ULK1: variants seen among roughly 807,000 people sequenced by gnomAD.
ULK1 encodes serine/threonine-protein kinase ULK1.
A neutral mutation model predicts 117.5 loss-of-function variants in ULK1; 48 were observed. The ratio of observed to expected loss-of-function variants is 0.41; its 90% CI spans 0.32 to 0.52. The LOEUF (loss-of-function observed/expected upper bound fraction) is 0.52. Ranked by LOEUF, ULK1 falls within the 20% of genes least tolerant of loss-of-function variation. The probability of loss-of-function intolerance (pLI) is 0.29; values close to 1 mark genes in which losing one functional copy is unlikely to be tolerated. For missense variants in ULK1, 1,387 were observed against 1,473.4 expected (o/e 0.94, Z 0.96); for synonymous variants, 790 against 637.8 (o/e 1.24, Z -3.60).
intron 26 of ULK1, chr12:131,920,796 G>A: frequency 5.1e-6 from 2 of 390,968 alleles, no homozygotes; most frequent in Admixed American, 8.1e-5. Context: ...CCTCCCTCCT[G>A]CCCCCCTTCC....
intron 23 of ULK1, among the ~76,000 whole-genome samples, chr12:131,918,954 C>CAGGGTGTGTGGGGTGA (rs1890016463): frequency 4.3e-5 from 1 of 23,024 alleles, no homozygotes; most frequent in Non-Finnish European, 9.5e-5. Context: ...GTGTGGGGTG[C>CAGGGTGTGTGGGGTGA]AGGGTGTGGG....
chr12:131,916,214 G>A (rs1593272292), intron 19 of ULK1, 55 bp downstream of exon 19: 2 of 1,584,976 alleles, frequency 1.3e-6, no homozygotes, highest in East Asian at 2.2e-5. Context: ...AGATGTGTGG[G>A]AATGGCCAGT....
intron 25 of ULK1, 124 bp downstream of exon 25, chr12:131,919,714 C>T (rs7296365): frequency 0.99 from 1,179,814 of 1,191,160 alleles, 584,980 homozygotes; most frequent in East Asian, 1. Context: ...TGCAGAGGCC[C>T]CGGGGCCTGG....
At position 131,912,093 on chromosome 12, in the gene ULK1, A is replaced by AGG. The variant is rs1491244313; in HGVS notation, c.1096+8_1096+9dup. On this transcript the variant is annotated splice_donor_region_variant and intron_variant, in intron 13 of 27. Transcript: ENST00000321867. ...ATGGTCCCCGCGCAGTTTCCAGGTC[A>AGG]GGGGGCACGCTGGGCTTGGAGGTGA... 2.5e-6 allele frequency: 4 copies of AGG among 1,610,278 alleles called. No homozygotes were observed. In the Admixed American group the frequency reaches 6.7e-5, roughly 27 times the overall value.
At chr12:131,913,133 G>T in intron 13 of ULK1, 65 bp from the exon 14 acceptor site, 1 of 1,460,822 alleles carries the variant, frequency 6.8e-7, no homozygotes, top group South Asian at 1.3e-5. Context: ...AGAGAGCCTC[G>T]GTGGGGTGGG....
chr12:131,907,476 C>T lies in ULK1; in HGVS notation c.280-19C>T, dbSNP rs757736952. The T allele has an allele frequency of 6.2e-6, 10 of 1,611,946 alleles. No homozygotes were observed. Among genetic ancestry groups the T allele is most frequent in the South Asian group, 3.3e-5 (3 of 90,874 alleles). On this transcript the variant is annotated intron_variant, in intron 4 of 27. Coordinates refer to ENST00000321867, the MANE Select transcript of ULK1 (RefSeq NM_003565.4). Reference sequence around the variant, plus strand: ...CCCTGGGCCCTGCTGCAGCCTGATGCGTGTCTGGTCTCTTGCAGTACTGCA... The same window carrying T: ...CCCTGGGCCCTGCTGCAGCCTGATGTGTGTCTGGTCTCTTGCAGTACTGCA...
Position 131,922,572 on chromosome 12 carries a change from C to G in ULK1, c.*1211C>G, listed in dbSNP as rs534554456. ...TGCAGAGAGGCCTGCCTTCCGGATT[C>G]CAGGCGGGCATGCCCTGCAAACCCC... On this transcript the variant is annotated 3_prime_UTR_variant, in exon 28 of 28. Coordinates refer to ENST00000321867, the MANE Select transcript of ULK1 (RefSeq NM_003565.4). The G allele has an allele frequency of 1.9e-5, 3 of 154,586 alleles. No individual in the cohort carries two copies. The South Asian group carries it at 6.0e-4, about 31-fold the overall frequency. The allele number at this position is 154,586 out of a possible 1,614,324, so 9.6% of individuals were successfully genotyped here.
chr12:131,897,743 GAAA>G (rs894069771), intron 3 of ULK1: 2 of 146,894 alleles, frequency 1.4e-5, no homozygotes, highest in Admixed American at 6.9e-5. Flanking sequence ...CTAAAAAAAA[GAAA>G]AAAAAAGAAA....
intron 3 of ULK1, 66 bp from the exon 4 acceptor site, chr12:131,906,826 G>C (rs1889295545): frequency 6.2e-6 from 10 of 1,608,590 alleles, no homozygotes; most frequent in Non-Finnish European, 8.5e-6. Flanking sequence ...TTGGGGCTGA[G>C]CCAGACTCCC....
intron 13 of ULK1, among the ~76,000 whole-genome samples, 174 bp from the exon 14 acceptor site, chr12:131,913,024 G>T (rs1191227967): frequency 2.6e-4 from 39 of 152,222 alleles, no homozygotes; most frequent in Admixed American, 2.6e-3. Context: ...GGCTGGCAGG[G>T]AGGATGCAGC....
At position 131,921,630 on chromosome 12, in the gene ULK1, C is replaced by T. The variant is rs1422603010; in HGVS notation, c.*269C>T. The T allele has an allele frequency of 1.5e-5, 9 of 618,672 alleles. No individual in the cohort carries two copies. The highest frequency in any genetic ancestry group is 1.4e-4 in the Admixed American group (5 of 35,864). 38.3% of individuals were successfully genotyped at this position (618,672 alleles called of 1,614,324 possible). On this transcript the variant is annotated 3_prime_UTR_variant, in exon 28 of 28. Transcript: ENST00000321867. The stretch of plus-strand genomic sequence containing the variant: ...CCCTCCAGCTGCCTGGCTCAGCAGG[C>T]GTGGGTGCCACCACCCTCTAGCCCC...
intron 13 of ULK1, 80 bp downstream of exon 13, chr12:131,912,169 T>C (rs1889568986): frequency 6.6e-7 from 1 of 1,512,872 alleles, no homozygotes; most frequent in East Asian, 2.5e-5. Context: ...ATGCACAGTG[T>C]GTAACACATT....
At chr12:131,912,295 G>A (rs983227384) in intron 13 of ULK1, among the ~76,000 whole-genome samples, 1 of 152,178 alleles carries the variant, frequency 6.6e-6, no homozygotes, top group African/African-American at 2.4e-5. Flanking sequence ...TCCTCCTAGT[G>A]GTCAGTAGGA....
In ULK1 at chr12:131,919,226, G is replaced by A. The variant is rs777618047; in HGVS notation, c.2526G>A (p.Glu842=). Residue 842 remains glutamate (E), a synonymous_variant, in exon 24 of 28, where the codon GAG becomes GAA. Transcript: ENST00000321867. ...GCTTCCTGCAGCAAGAGCACACGGA[G>A]ATCCTGCGTGGCCTGCGCTTCACGC... ...EETLMEQEHT[E]ILRGLRFTLL... is the part of the protein sequence containing the mutation. 5 of 1,595,760 alleles carry A rather than the reference G, an allele frequency of 3.1e-6. No homozygotes were observed. The highest frequency in any genetic ancestry group is 3.4e-6 in the Non-Finnish European group (4 of 1,177,026).
In ULK1 at chr12:131,908,917, G is replaced by C; in HGVS notation, c.510G>C (p.Arg170=). ...RVKIADFGFA[R]YLQSNMMAAT... is the part of the protein sequence containing the mutation. The stretch of plus-strand genomic sequence containing the variant: ...CCGCAGCTGACTTCGGCTTCGCGCG[G>C]TACCTCCAGAGCAACATGATGGCGG... Residue 170 remains arginine (R), a synonymous_variant, in exon 7 of 28, where the codon CGG becomes CGC. Transcript: ENST00000321867. The C allele has an allele frequency of 1.2e-6, 2 of 1,611,778 alleles. No individual in the cohort carries two copies. Among genetic ancestry groups the C allele is most frequent in the Non-Finnish European group, 1.7e-6 (2 of 1,179,806 alleles).
intron 26 of ULK1, 175 bp from the exon 27 acceptor site, chr12:131,920,925 C>T (rs1170496878): frequency 1.1e-6 from 1 of 901,260 alleles, no homozygotes; most frequent in African/African-American, 1.7e-5. Flanking sequence ...AGTGTCTCCC[C>T]TTGGCCCTGT....
chr12:131,915,303 C>G, intron 17 of ULK1, 32 bp from the exon 18 acceptor site: 1 of 1,611,802 alleles, frequency 6.2e-7, no homozygotes, highest in Non-Finnish European at 8.5e-7. Context: ...TCTGTCCCAG[C>G]TGGACCCTGA....
chr12:131,900,112 CTCAAA>C (rs1457022942), intron 3 of ULK1, among the ~76,000 whole-genome samples: 51 of 77,622 alleles, frequency 6.6e-4, no homozygotes, highest in African/African-American at 2.5e-3. Context: ...GTGAAACTCT[CTCAAA>C]AAAAAAAAAA....
chr12:131,911,161 C>A (rs1197808199), intron 12 of ULK1, among the ~76,000 whole-genome samples: 1 of 152,194 alleles, frequency 6.6e-6, no homozygotes, highest in Non-Finnish European at 1.5e-5. Context: ...AGGGTGATGG[C>A]CCCACATGAT....
Sources: gnomAD v4.1 joint callset for allele counts (sites outside exome capture counted in the v4.1 genomes callset) on GRCh38, gnomAD v4.1.1 for gene constraint, MANE v1.5 for transcripts, NCBI Gene and HGNC (gene_info 2026-07-23, HGNC 2026-07-21) for gene names.